The following DTNA variants were observed in gnomAD, a reference collection of about 807,000 sequenced individuals.
DTNA encodes the protein dystrobrevin alpha, also known as dystrophin-related protein 3.
Under a neutral mutation model 100.7 loss-of-function variants are expected in DTNA, and 43 were observed. That is an observed-to-expected ratio of 0.43 (90% CI 0.33 to 0.55). The LOEUF (loss-of-function observed/expected upper bound fraction) is 0.55, where lower values mean the gene tolerates loss of function less well. Among genes scored for constraint, DTNA ranks in the 20% least tolerant of loss-of-function variants. The pLI is 0.04. For missense variants in DTNA, 798 were observed against 953.9 expected, an observed-to-expected ratio of 0.84 and a Z score of 2.15; for synonymous variants, 349 against 347.9, an observed-to-expected ratio of 1.00 and a Z score of -0.04.
chr18:34,574,973 G>A (rs998893347), intron 1 of DTNA, among the ~76,000 whole-genome samples: 1 of 152,088 alleles, frequency 6.6e-6, no homozygotes, highest in Non-Finnish European at 1.5e-5. Context: ...TTAATGTATG[G>A]TAGTCTGGTT....
At chr18:34,572,939 C>T (rs1303122836) in intron 1 of DTNA, among the ~76,000 whole-genome samples, 2 of 152,106 alleles carry the variant, frequency 1.3e-5, no homozygotes, top group Middle Eastern at 3.2e-3. Flanking sequence ...TAATCCTGAG[C>T]CCAGGGCAAG....
rs915717417 is a variant in DTNA at position 34,629,734 on chromosome 18, C to T, written c.-1-126242C>T. ...ACTACAACCCAGCATATAAGCCTCC[C>T]CAGTCCTTCATTTTCTCATGGGCTT... On this transcript the variant is annotated intron_variant, in intron 1 of 19. Coordinates refer to the DTNA transcript ENST00000283365. 9.9e-5 allele frequency among the ~76,000 whole-genome samples: 15 copies of T among 152,260 alleles called. No homozygotes were observed. In the East Asian group the frequency reaches 2.3e-3, roughly 24 times the overall value.
In DTNA at chr18:34,889,816, G is replaced by A; in HGVS notation, c.*2082G>A. On this transcript the variant is annotated 3_prime_UTR_variant, in exon 23 of 23. Transcript: ENST00000444659. Reference sequence around the variant, plus strand: ...AGGCTGACACCAAAGTGGCACAACTGCACAGTTCTCAGATTTCTTTGCACA... The same window carrying A: ...AGGCTGACACCAAAGTGGCACAACTACACAGTTCTCAGATTTCTTTGCACA... 1 of 989,678 alleles carries A rather than the reference G, an allele frequency of 1.0e-6. No homozygotes were observed. Among genetic ancestry groups the A allele is most frequent in the Non-Finnish European group, 1.2e-6 (1 of 832,340 alleles). The allele number at this position is 989,678 out of a possible 1,614,324, so 61.3% of individuals were successfully genotyped here. A position where few individuals can be genotyped will look rare whatever the true frequency, so the allele number is the denominator to read the frequency against.
At chr18:34,772,711 T>C (rs1185083172) in intron 3 of DTNA, among the ~76,000 whole-genome samples, 2 of 152,230 alleles carry the variant, frequency 1.3e-5, no homozygotes, top group African/African-American at 4.8e-5. Context: ...TTTCTATTCT[T>C]GGTAAAAAAT....
intron 1 of DTNA, among the ~76,000 whole-genome samples, chr18:34,696,645 A>G (rs541842407): frequency 6.6e-6 from 1 of 152,296 alleles, no homozygotes; most frequent in East Asian, 1.9e-4. Flanking sequence ...CACCAGACCC[A>G]CCTCATGCAC....
chr18:34,818,340 G>A lies in DTNA; in HGVS notation c.876+10G>A. On this transcript the variant is annotated intron_variant, in intron 8 of 22. Transcript: ENST00000444659. ...AGAGTACACGTCATGGGTAAGGCAAGGTCCAGGCAATACTTGGAGTTGGAT... is the reference window on the plus strand; with the variant it reads ...AGAGTACACGTCATGGGTAAGGCAAAGTCCAGGCAATACTTGGAGTTGGAT... The A allele has an allele frequency of 1.9e-6, 3 of 1,613,244 alleles. No individual in the cohort carries two copies. Among genetic ancestry groups the A allele is most frequent in the Non-Finnish European group, 2.5e-6 (3 of 1,179,566 alleles).
At position 34,794,262 on chromosome 18, in the gene DTNA, C is replaced by T. The variant is rs747246948; in HGVS notation, c.362+12C>T. ...GCAGCGTTTGATCCGTAAGCACCCT[C>T]TGAATGTCTGTTCCTCTCTACATGT... On this transcript the variant is annotated intron_variant, in intron 4 of 22. Transcript: ENST00000444659. 1.2e-6 allele frequency: 2 copies of T among 1,613,916 alleles called. No individual in the cohort carries two copies. The highest frequency in any genetic ancestry group is 2.2e-5 in the South Asian group (2 of 91,076).
chr18:34,860,089 C>T (rs1451561074), intron 16 of DTNA, among the ~76,000 whole-genome samples: 2 of 152,144 alleles, frequency 1.3e-5, no homozygotes, highest in Admixed American at 6.5e-5. Context: ...CTCTGTCACC[C>T]AGGCTGGAGT....
chr18:34,581,772 C>T (rs2048673440), intron 1 of DTNA, among the ~76,000 whole-genome samples: 1 of 151,904 alleles, frequency 6.6e-6, no homozygotes, highest in Admixed American at 6.6e-5. Flanking sequence ...TACAGGTGCA[C>T]ACCACCATGC....
In DTNA at chr18:34,829,224, C is replaced by A. The variant is rs972660193; in HGVS notation, c.1086-176C>A. ...ATTTTGGAATGTTCTCTGTGAACCACAGTTGTGTTGTTTAAAGCTCACATT... is the reference window on the plus strand; with the variant it reads ...ATTTTGGAATGTTCTCTGTGAACCAAAGTTGTGTTGTTTAAAGCTCACATT... On this transcript the variant is annotated intron_variant, in intron 10 of 22. Coordinates refer to ENST00000444659, the MANE Select transcript of DTNA (RefSeq NM_001386795.1). 10 of 1,549,696 alleles carry A rather than the reference C, an allele frequency of 6.5e-6. No homozygotes were observed. In the East Asian group the frequency reaches 1.9e-4, roughly 30 times the overall value.
chr18:34,561,053 T>C (rs1309925240), intron 1 of DTNA, among the ~76,000 whole-genome samples: 1 of 152,228 alleles, frequency 6.6e-6, no homozygotes, highest in African/African-American at 2.4e-5. Flanking sequence ...TTAAATTGAA[T>C]GTTAATTATA....
At chr18:34,595,600 A>G (rs1280625902) in intron 1 of DTNA, among the ~76,000 whole-genome samples, 1 of 152,210 alleles carries the variant, frequency 6.6e-6, no homozygotes, top group Non-Finnish European at 1.5e-5. Flanking sequence ...TGATAATTAT[A>G]GTATCTCAAG....
intron 1 of DTNA, among the ~76,000 whole-genome samples, chr18:34,555,932 T>G (rs1029090258): frequency 2.2e-4 from 33 of 151,866 alleles, no homozygotes; most frequent in African/African-American, 6.5e-4. Context: ...CCTTGTTGAC[T>G]TTCTGTCTCG....
At chr18:34,527,328 G>A (rs1261953095) in intron 1 of DTNA, among the ~76,000 whole-genome samples, 7 of 151,966 alleles carry the variant, frequency 4.6e-5, no homozygotes, top group African/African-American at 9.7e-5. Flanking sequence ...TCGCCTGCTC[G>A]TCAAGAAATA....
intron 1 of DTNA, among the ~76,000 whole-genome samples, chr18:34,750,166 G>A (rs1441180376): frequency 6.6e-6 from 1 of 152,178 alleles, no homozygotes; most frequent in Non-Finnish European, 1.5e-5. Flanking sequence ...CTAAAGTGGA[G>A]CAAAACAAAG....
At chr18:34,588,229 T>C (rs1220100009) in intron 1 of DTNA, among the ~76,000 whole-genome samples, 1 of 152,140 alleles carries the variant, frequency 6.6e-6, no homozygotes, top group Non-Finnish European at 1.5e-5. Context: ...TCTTGAAAAG[T>C]AAAACCTCTC....
chr18:34,871,212 G>A (rs554735954), intron 17 of DTNA, among the ~76,000 whole-genome samples: 2 of 152,264 alleles, frequency 1.3e-5, no homozygotes, highest in African/African-American at 4.8e-5. Flanking sequence ...TCCTTTCCTT[G>A]AAGCATCCCT....
chr18:34,809,089 C>G (rs1432708365), intron 5 of DTNA, among the ~76,000 whole-genome samples: 1 of 152,106 alleles, frequency 6.6e-6, no homozygotes, highest in Non-Finnish European at 1.5e-5. Context: ...AATTTGGTCA[C>G]AAAAATCTCT....
chr18:34,831,722 C>T (rs111432110), intron 11 of DTNA, among the ~76,000 whole-genome samples: 148 of 152,226 alleles, frequency 9.7e-4, no homozygotes, highest in African/African-American at 3.2e-3. Context: ...GAGCCGAGAT[C>T]GTGCCATTGC....
Sources: gnomAD v4.1 joint callset for allele counts (sites outside exome capture counted in the v4.1 genomes callset) on GRCh38, gnomAD v4.1.1 for gene constraint, MANE v1.5 for transcripts, NCBI Gene and HGNC (gene_info 2026-07-23, HGNC 2026-07-21) for gene names.